Variants in CLRN3 observed in about 807,000 individuals in gnomAD.
CLRN3 encodes the protein clarin 3, also known as clarin-3.
Under a neutral mutation model 16.7 loss-of-function variants are expected in CLRN3, and 12 were observed. That is an observed-to-expected ratio of 0.72 (90% confidence interval 0.46 to 1.16). CLRN3 has a LOEUF of 1.16. Among genes scored for constraint, CLRN3 ranks in the 50% most tolerant of loss-of-function variants. The probability of loss-of-function intolerance (pLI) is 0.00; values close to 1 mark genes in which losing one functional copy is unlikely to be tolerated. For synonymous variants in CLRN3, 118 were observed against 113.0 expected, an observed-to-expected ratio of 1.04 and a Z score of -0.28; for missense variants, 296 against 274.2, an observed-to-expected ratio of 1.08 and a Z score of -0.56.
intron 1 of CLRN3, among the ~76,000 whole-genome samples, chr10:127,885,975 G>A (rs552407196): frequency 5.9e-5 from 9 of 152,176 alleles, no homozygotes; most frequent in South Asian, 2.1e-4. Flanking sequence ...GGCTGGTCTC[G>A]AACTCCCAAC....
intron 1 of CLRN3, among the ~76,000 whole-genome samples, chr10:127,887,793 C>G (rs767285509): frequency 4.6e-5 from 7 of 152,206 alleles, no homozygotes; most frequent in Non-Finnish European, 4.4e-5. Context: ...TGCTCTCTGC[C>G]TACAAAATTA....
intron 2 of CLRN3, among the ~76,000 whole-genome samples, chr10:127,879,369 G>A (rs533782236): frequency 9.9e-4 from 150 of 152,280 alleles, no homozygotes; most frequent in African/African-American, 2.0e-3. Context: ...CAAAAGTGCC[G>A]AGTGTGAGCT....
At chr10:127,891,156 G>T (rs1845253868) in intron 1 of CLRN3, among the ~76,000 whole-genome samples, 1 of 152,210 alleles carries the variant, frequency 6.6e-6, no homozygotes, top group Non-Finnish European at 1.5e-5. Context: ...ACAAGTGCCT[G>T]CTCTGGTCCC....
In CLRN3 at chr10:127,877,969, C is replaced by T. The variant is rs758283969; in HGVS notation, c.*180G>A. The stretch of plus-strand genomic sequence containing the variant: ...CAGCGACATTTCCCATTCATTTCCC[C>T]AACCTTGTGGGAAAAATTTTCAGGA... On this transcript the variant is annotated 3_prime_UTR_variant, in exon 3 of 3. Transcript: ENST00000368671. 2.8e-6 allele frequency: 2 copies of T among 713,260 alleles called. No individual in the cohort carries two copies. Among genetic ancestry groups the T allele is most frequent in the Non-Finnish European group, 4.5e-6 (2 of 443,538 alleles). The allele number at this position is 713,260 out of a possible 1,614,324, so 44.2% of individuals were successfully genotyped here.
rs1326159356 is a variant in CLRN3 at position 127,892,806 on chromosome 10, C to G, written c.-22G>C. On this transcript the variant is annotated 5_prime_UTR_variant, in exon 1 of 3. Transcript: ENST00000368671. ...GCATTTTCACAGGAAAATAAGTTCT[C>G]TAGGACAAAAAAAGGAATATCTTCT... The G allele has an allele frequency of 7.0e-7, 1 of 1,437,486 alleles. No individual in the cohort carries two copies. The highest frequency in any genetic ancestry group is 2.3e-5 in the East Asian group (1 of 44,038). 89.0% of individuals were successfully genotyped at this position (1,437,486 alleles called of 1,614,324 possible).
chr10:127,878,420 G>T lies in CLRN3; in HGVS notation c.410C>A (p.Ala137Glu). The part of the protein sequence containing the change: ...TGVYTWNGLG[A>E]SFVFVTMILF... ...TATCATGGTCACAAAAACGAAGGAT[G>T]CTGAAAGGAAGATGGAGTTTCATGC... is the stretch of plus-strand genomic sequence containing the variant. The change falls in exon 3 of 3, where the codon GCA becomes GAA. Residue 137 changes from alanine to glutamate, a missense_variant and splice_region_variant. Ala to Glu is a moderately radical substitution (Grantham distance 107). Coordinates refer to ENST00000368671, the MANE Select transcript of CLRN3 (RefSeq NM_152311.5). The T allele has an allele frequency of 6.2e-7, 1 of 1,613,276 alleles. No individual in the cohort carries two copies.
chr10:127,878,500 T>G, intron 2 of CLRN3, 80 bp from the exon 3 acceptor site: 1 of 1,557,938 alleles, frequency 6.4e-7, no homozygotes, highest in Non-Finnish European at 8.7e-7. Flanking sequence ...CACATATATA[T>G]GGGAATGTAT....
chr10:127,879,532 A>T (rs1845100968), intron 2 of CLRN3, among the ~76,000 whole-genome samples: 1 of 151,552 alleles, frequency 6.6e-6, no homozygotes, highest in Non-Finnish European at 1.5e-5. Flanking sequence ...TCTGAGCCTC[A>T]TTCCTCATCT....
intron 1 of CLRN3, among the ~76,000 whole-genome samples, chr10:127,889,151 G>A (rs1845230669): frequency 6.6e-6 from 1 of 152,176 alleles, no homozygotes; most frequent in Non-Finnish European, 1.5e-5. Flanking sequence ...GTGACACCCT[G>A]TCTCTACAAA....
At chr10:127,888,346 C>T (rs767209160) in intron 1 of CLRN3, among the ~76,000 whole-genome samples, 4 of 152,068 alleles carry the variant, frequency 2.6e-5, no homozygotes, top group African/African-American at 4.8e-5. Context: ...GGGAGGGCAC[C>T]CTCTTTGTCC....
chr10:127,880,105 A>T (rs1285486075), intron 2 of CLRN3, among the ~76,000 whole-genome samples: 2 of 152,142 alleles, frequency 1.3e-5, no homozygotes, highest in African/African-American at 4.8e-5. Flanking sequence ...TAATGGTTTT[A>T]TTTCTTAATA....
At position 127,883,838 on chromosome 10, in the gene CLRN3, C is replaced by T; in HGVS notation, c.267G>A (p.Leu89=). The part of the protein sequence containing the change: ...EILNNSSQKT[L]HSVTILFLVL... ...CCAGGAACAGGATAGTCACCGAATGCAGAGTTTTTTGGGAAGAATTATTCA... is the reference window on the plus strand; with the variant it reads ...CCAGGAACAGGATAGTCACCGAATGTAGAGTTTTTTGGGAAGAATTATTCA... Residue 89 remains leucine, a synonymous_variant, in exon 2 of 3, where the codon CTG becomes CTA. Coordinates refer to ENST00000368671, the MANE Select transcript of CLRN3 (RefSeq NM_152311.5). The T allele has an allele frequency of 6.2e-7, 1 of 1,614,222 alleles. No homozygotes were observed. Among genetic ancestry groups the T allele is most frequent in the Non-Finnish European group, 8.5e-7 (1 of 1,180,042 alleles).
chr10:127,881,434 T>C (rs1231035692), intron 2 of CLRN3, among the ~76,000 whole-genome samples: 8 of 152,236 alleles, frequency 5.3e-5, no homozygotes. Context: ...CAGTGGACTT[T>C]GAACCCTGCA....
intron 1 of CLRN3, among the ~76,000 whole-genome samples, chr10:127,888,840 C>G (rs2135085393): frequency 6.6e-6 from 1 of 152,318 alleles, no homozygotes; most frequent in Non-Finnish European, 1.5e-5. Flanking sequence ...ACAGCCATGC[C>G]TGTCAATCTA....
intron 1 of CLRN3, among the ~76,000 whole-genome samples, chr10:127,892,341 T>A (rs1240781678): frequency 6.6e-6 from 1 of 152,166 alleles, no homozygotes; most frequent in African/African-American, 2.4e-5. Context: ...ACTGCTAGAA[T>A]GATATAGACT....
In CLRN3 at chr10:127,892,697, T is replaced by C; in HGVS notation, c.88A>G (p.Thr30Ala). ...SFIVICSILG[T>A]QAWITSTIAV... ...ATTGTACTGGTGATCCATGCTTGTG[T>C]CCCAAGAATAGAGCAAATTACAATG... is the stretch of plus-strand genomic sequence containing the variant. Residue 30 changes from threonine to alanine, a missense_variant, in exon 1 of 3, where the codon ACA becomes GCA. Thr to Ala is a moderately conservative substitution (Grantham distance 58). Coordinates refer to ENST00000368671, the MANE Select transcript of CLRN3 (RefSeq NM_152311.5). 6.2e-7 allele frequency: 1 copy of C among 1,612,936 alleles called. No individual in the cohort carries two copies. Among genetic ancestry groups the C allele is most frequent in the South Asian group, 1.1e-5 (1 of 91,048 alleles).
At position 127,878,453 on chromosome 10, in the gene CLRN3, G is replaced by A. The variant is rs1349345988; in HGVS notation, c.410-33C>T. ...GAAGATGGAGTTTCATGCATGGCAT[G>A]GTGATACAGTTTTTAATGTCACTTA... On this transcript the variant is annotated intron_variant, in intron 2 of 2. Transcript: ENST00000368671. 61 of 1,609,626 alleles carry A rather than the reference G, an allele frequency of 3.8e-5. No individual in the cohort carries two copies. The South Asian group carries it at 6.5e-4, about 17-fold the overall frequency.
chr10:127,889,511 C>A (rs1845234455), intron 1 of CLRN3, among the ~76,000 whole-genome samples: 1 of 151,910 alleles, frequency 6.6e-6, no homozygotes, highest in African/African-American at 2.4e-5. Flanking sequence ...GTAATCCCAG[C>A]TACTAGGGAG....
At position 127,878,100 on chromosome 10, in the gene CLRN3, C is replaced by T. The variant is rs897931403; in HGVS notation, c.*49G>A. On this transcript the variant is annotated 3_prime_UTR_variant, in exon 3 of 3. Transcript: ENST00000368671. ...CCAGAGAAGCTAACCAGTTACTACT[C>T]AGGGCTGATGTACAATAGATGCAAC... The T allele has an allele frequency of 1.3e-6, 2 of 1,593,180 alleles. No individual in the cohort carries two copies. Among genetic ancestry groups the T allele is most frequent in the Admixed American group, 3.4e-5 (2 of 59,528 alleles).
Sources: gnomAD v4.1 joint callset for allele counts (sites outside exome capture counted in the v4.1 genomes callset) on GRCh38, gnomAD v4.1.1 for gene constraint, MANE v1.5 for transcripts, NCBI Gene and HGNC (gene_info 2026-07-23, HGNC 2026-07-21) for gene names.